NTN1: variants seen among roughly 807,000 people sequenced by gnomAD.
NTN1 encodes the protein netrin-1.
Under a neutral mutation model 54.2 loss-of-function variants are expected in NTN1, and 11 were observed. The ratio of observed to expected loss-of-function variants is 0.20; its 90% CI spans 0.13 to 0.34. The LOEUF is 0.34. NTN1 is among the 10% of genes least tolerant of loss of function. NTN1 has a pLI of 1.00. For synonymous variants in NTN1, 371 were observed against 382.0 expected (o/e 0.97, Z 0.33); for missense variants, 740 against 893.1 (o/e 0.83, Z 2.18).
intron 2 of NTN1, among the ~76,000 whole-genome samples, chr17:9,142,508 A>G (rs1017969447): frequency 6.6e-6 from 1 of 151,748 alleles, no homozygotes; most frequent in Non-Finnish European, 1.5e-5. Context: ...TCTTTTGAGA[A>G]TAGGAGGTAA....
chr17:9,036,820 A>G (rs886163946), intron 2 of NTN1, among the ~76,000 whole-genome samples: 1 of 152,140 alleles, frequency 6.6e-6, no homozygotes, highest in African/African-American at 2.4e-5. Context: ...CTTGAATGAT[A>G]CATTTTCCAA....
intron 5 of NTN1, among the ~76,000 whole-genome samples, chr17:9,196,887 A>G (rs1904647849): frequency 6.6e-6 from 1 of 151,992 alleles, no homozygotes; most frequent in Non-Finnish European, 1.5e-5. Flanking sequence ...GCCGGCTCAC[A>G]CCTGTTCACA....
intron 4 of NTN1, among the ~76,000 whole-genome samples, chr17:9,181,808 T>G (rs1311635682): frequency 1.3e-5 from 2 of 152,086 alleles, no homozygotes; most frequent in Non-Finnish European, 2.9e-5. Context: ...TCCCTTCCTC[T>G]TAGGGACTCC....
chr17:9,066,711 A>C (rs1194398629), intron 2 of NTN1, among the ~76,000 whole-genome samples: 2 of 152,070 alleles, frequency 1.3e-5, no homozygotes. Context: ...TACAAATGGC[A>C]CGTTGTGGCC....
chr17:9,198,726 T>C (rs1245755230), intron 5 of NTN1, among the ~76,000 whole-genome samples: 1 of 152,206 alleles, frequency 6.6e-6, no homozygotes, highest in Non-Finnish European at 1.5e-5. Context: ...CAAGGGGAAC[T>C]GGAGCGAGAG....
At chr17:9,092,413 G>C (rs1265994929) in intron 2 of NTN1, among the ~76,000 whole-genome samples, 1 of 136,790 alleles carries the variant, frequency 7.3e-6, no homozygotes, top group South Asian at 2.4e-4. Flanking sequence ...TCAGCCTCCC[G>C]AGTAGCTGGT....
rs1312211711 is a variant in NTN1, at chr17:9,133,748, C to T, written c.1019-29065C>T. Among the ~76,000 whole-genome samples, 12 of 128,122 alleles carry T rather than the reference C, an allele frequency of 9.4e-5. No homozygotes were observed. The East Asian group carries it at 2.5e-3, about 26-fold the overall frequency. The allele number at this position is 128,122 out of a possible 152,430, so 84.1% of individuals were successfully genotyped here. On this transcript the variant is annotated intron_variant, in intron 2 of 6. Transcript: ENST00000173229. Reference sequence around the variant, plus strand: ...GATTACAGGTGCGCACCACCATGCCCAGCTAATTTTTTTTTTTTTTTTTTT... The same window carrying T: ...GATTACAGGTGCGCACCACCATGCCTAGCTAATTTTTTTTTTTTTTTTTTT...
At chr17:9,004,171 G>A in the NTN1 span, among the ~76,000 whole-genome samples, 1 of 152,234 alleles carries the variant, frequency 6.6e-6, no homozygotes, top group Non-Finnish European at 1.5e-5. Flanking sequence ...GGGAGCGTCC[G>A]TCCAAAACCC....
At chr17:9,106,037 CTTA>C (rs924076244) in intron 2 of NTN1, among the ~76,000 whole-genome samples, 73 of 152,160 alleles carry the variant, frequency 4.8e-4, no homozygotes, top group African/African-American at 1.6e-3. Context: ...CGCCTGGGAA[CTTA>C]TTAGTGATGC....
At chr17:9,186,118 G>A (rs1275613417) in intron 5 of NTN1, among the ~76,000 whole-genome samples, 4 of 152,172 alleles carry the variant, frequency 2.6e-5, no homozygotes, top group African/African-American at 7.2e-5. Flanking sequence ...GTGCTGGTAA[G>A]TATTTAGCAA....
At chr17:9,105,338 C>T (rs2092162382) in intron 2 of NTN1, among the ~76,000 whole-genome samples, 1 of 152,164 alleles carries the variant, frequency 6.6e-6, no homozygotes, top group South Asian at 2.1e-4. Context: ...TGTCCTGTCA[C>T]CTCTCCGGGC....
intron 2 of NTN1, among the ~76,000 whole-genome samples, chr17:9,139,085 A>C (rs2092289872): frequency 6.6e-6 from 1 of 152,096 alleles, no homozygotes. Context: ...GGGGACAGGG[A>C]CTAAGTAGGC....
intron 3 of NTN1, among the ~76,000 whole-genome samples, chr17:9,164,014 G>A (rs1226444903): frequency 1.3e-5 from 2 of 152,270 alleles, no homozygotes; most frequent in Non-Finnish European, 2.9e-5. Context: ...CCCAGGTGGC[G>A]TCCTGCAGGA....
chr17:9,238,739 A>G (rs377325509), intron 6 of NTN1, among the ~76,000 whole-genome samples: 1 of 152,192 alleles, frequency 6.6e-6, no homozygotes, highest in African/African-American at 2.4e-5. Flanking sequence ...TCATTTATTT[A>G]GCGTCTCTTA....
intron 6 of NTN1, among the ~76,000 whole-genome samples, chr17:9,222,526 C>T (rs1163354100): frequency 6.6e-6 from 1 of 152,214 alleles, no homozygotes; most frequent in Admixed American, 6.5e-5. Context: ...GGACAGAGCA[C>T]GGGTGCCTAA....
At chr17:9,190,216 G>A (rs535266584) in intron 5 of NTN1, among the ~76,000 whole-genome samples, 65 of 152,302 alleles carry the variant, frequency 4.3e-4, no homozygotes, top group Admixed American at 3.9e-3. Flanking sequence ...CAGCACATAT[G>A]TAAAGAAAAG....
At chr17:9,230,070 C>T (rs1905754395) in intron 6 of NTN1, among the ~76,000 whole-genome samples, 1 of 152,138 alleles carries the variant, frequency 6.6e-6, no homozygotes, top group Admixed American at 6.5e-5. Flanking sequence ...GGACTCTTCC[C>T]CCTCAGCAGC....
Position 9,203,663 on chromosome 17 carries a change from C to T in NTN1, c.1412-17505C>T, listed in dbSNP as rs138394009. Among the ~76,000 whole-genome samples, 925 of 151,934 alleles carry T rather than the reference C, an allele frequency of 6.1e-3. 9 individuals are homozygous for T. Among genetic ancestry groups the T allele is most frequent in the African/African-American group, 0.017 (720 of 41,430 alleles). ...AAAAATACAAAAAAAATTAGCCAGG[C>T]GTGGTGGTGGGCGCCTGTAATCCCA... is the stretch of plus-strand genomic sequence containing the variant. On this transcript the variant is annotated intron_variant, in intron 5 of 6. Coordinates refer to ENST00000173229, the MANE Select transcript of NTN1 (RefSeq NM_004822.3).
intron 2 of NTN1, among the ~76,000 whole-genome samples, chr17:9,094,593 T>C (rs758738160): frequency 6.6e-6 from 1 of 152,156 alleles, no homozygotes; most frequent in Non-Finnish European, 1.5e-5. Context: ...GTTTTACTTA[T>C]TTGTGTTTCC....
Sources: gnomAD v4.1 joint callset for allele counts (sites outside exome capture counted in the v4.1 genomes callset) on GRCh38, gnomAD v4.1.1 for gene constraint, MANE v1.5 for transcripts, NCBI Gene and HGNC (gene_info 2026-07-23, HGNC 2026-07-21) for gene names.